Variants in ZNF383 observed in about 807,000 individuals in gnomAD.
The protein encoded by ZNF383 is zinc finger protein 383.
In ZNF383, 32 loss-of-function variants were observed where a neutral mutation model predicts 44.2. That is an observed-to-expected ratio of 0.72 (90% CI 0.55 to 0.97). The LOEUF (loss-of-function observed/expected upper bound fraction) is 0.97. Among genes scored for constraint, ZNF383 ranks in the 50% least tolerant of loss-of-function variants. ZNF383 has a pLI of 0.00. For missense variants in ZNF383, 487 were observed against 562.5 expected, an observed-to-expected ratio of 0.87 and a Z score of 1.36; for synonymous variants, 155 against 186.2, an observed-to-expected ratio of 0.83 and a Z score of 1.36.
In ZNF383 at chr19:37,248,229, G is replaced by A. The variant is rs182125198; in HGVS notation, c.*4565G>A. On this transcript the variant is annotated 3_prime_UTR_variant, in exon 6 of 6. Coordinates refer to ENST00000684119, the MANE Select transcript of ZNF383 (RefSeq NM_001387601.1). ...GACACCAAGGTAGAGATTTTTATAGGTGAAATCTATGAAATGTCTTAGGAA... is the reference window on the plus strand; with the variant it reads ...GACACCAAGGTAGAGATTTTTATAGATGAAATCTATGAAATGTCTTAGGAA... 6.6e-6 allele frequency: 1 copy of A among 152,214 alleles called. No homozygotes were observed. Among genetic ancestry groups the A allele is most frequent in the East Asian group, 1.9e-4 (1 of 5,186 alleles). The allele number at this position is 152,214 out of a possible 1,614,324, so 9.4% of individuals were successfully genotyped here. A position where few individuals can be genotyped will look rare whatever the true frequency, so the allele number is the denominator to read the frequency against.
Position 37,245,482 on chromosome 19 carries a change from T to G in ZNF383, c.*1818T>G, listed in dbSNP as rs851528. 0.46 allele frequency: 54,255 copies of G among 118,754 alleles called. 10,298 individuals are homozygous for G. The highest frequency in any genetic ancestry group is 0.53 in the East Asian group (2,158 of 4,094). The allele number at this position is 118,754 out of a possible 1,614,324, so 7.4% of individuals were successfully genotyped here. On this transcript the variant is annotated 3_prime_UTR_variant, in exon 6 of 6. Transcript: ENST00000684119. ...ATATTAATTTTTTGTTTGTTTGTTTTTTTTTTTTTTTGAGATGGAGTTCAC... is the reference window on the plus strand; with the variant it reads ...ATATTAATTTTTTGTTTGTTTGTTTGTTTTTTTTTTTGAGATGGAGTTCAC...
chr19:37,220,252 G>A (rs1327978378), intron 1 of ZNF383, among the ~76,000 whole-genome samples: 2 of 151,558 alleles, frequency 1.3e-5, no homozygotes, highest in Non-Finnish European at 2.9e-5. Context: ...TTCTTGAGAC[G>A]GAGTCTCGCT....
intron 5 of ZNF383, among the ~76,000 whole-genome samples, chr19:37,237,329 T>G (rs1035404666): frequency 1.3e-5 from 2 of 152,070 alleles, no homozygotes; most frequent in Non-Finnish European, 2.9e-5. Flanking sequence ...GGTGGAGCCT[T>G]GGAAGTGACT....
intron 3 of ZNF383, among the ~76,000 whole-genome samples, chr19:37,234,226 G>A (rs1973654518): frequency 6.6e-6 from 1 of 152,040 alleles, no homozygotes; most frequent in African/African-American, 2.4e-5. Context: ...AAATACAAAT[G>A]AAACATCTAA....
chr19:37,228,565 G>A (rs925905882), intron 2 of ZNF383, among the ~76,000 whole-genome samples: 2 of 151,966 alleles, frequency 1.3e-5, no homozygotes, highest in Non-Finnish European at 2.9e-5. Flanking sequence ...GCTCTCATTT[G>A]GAACATTCAG....
At chr19:37,230,986 G>T (rs1973459093) in intron 3 of ZNF383, among the ~76,000 whole-genome samples, 1 of 152,194 alleles carries the variant, frequency 6.6e-6, no homozygotes, top group African/African-American at 2.4e-5. Flanking sequence ...CTGCAACTCT[G>T]TAAGAACATC....
chr19:37,238,166 A>G (rs899461903), intron 5 of ZNF383, among the ~76,000 whole-genome samples: 3 of 151,820 alleles, frequency 2.0e-5, no homozygotes, highest in African/African-American at 7.3e-5. Flanking sequence ...TCTGGCCCCC[A>G]CCTCTTAATA....
In ZNF383 at chr19:37,244,532, A is replaced by T. The variant is rs908448771; in HGVS notation, c.*868A>T. The stretch of plus-strand genomic sequence containing the variant: ...AGTTGGGATTACAGGCATGTGCCAC[A>T]ACACCCGGCTAATTTTTTGTATTTT... On this transcript the variant is annotated 3_prime_UTR_variant, in exon 6 of 6. Coordinates refer to ENST00000684119, the MANE Select transcript of ZNF383 (RefSeq NM_001387601.1). 1 of 151,936 alleles carries T rather than the reference A, an allele frequency of 6.6e-6. No individual in the cohort carries two copies. The allele number at this position is 151,936 out of a possible 1,614,324, so 9.4% of individuals were successfully genotyped here.
At chr19:37,229,458 CTTT>C (rs569416608) in intron 2 of ZNF383, among the ~76,000 whole-genome samples, 3 of 123,958 alleles carry the variant, frequency 2.4e-5, no homozygotes, top group Non-Finnish European at 3.4e-5. Context: ...CTGCACCCAG[CTTT>C]TTTTTTTTTT....
intron 3 of ZNF383, among the ~76,000 whole-genome samples, chr19:37,234,577 A>G (rs1291991423): frequency 6.6e-6 from 1 of 151,812 alleles, no homozygotes; most frequent in Non-Finnish European, 1.5e-5. Context: ...TTTTTAGTAG[A>G]GACAGGGTTT....
intron 5 of ZNF383, 53 bp from the exon 6 acceptor site, chr19:37,242,416 T>G: frequency 7.9e-7 from 1 of 1,265,616 alleles, no homozygotes; most frequent in Non-Finnish European, 1.1e-6. Flanking sequence ...TTATAAAAGT[T>G]TAATTTTTCA....
chr19:37,229,630 GTGTATATATATATATATGTATATATA>G (rs1973361108), intron 2 of ZNF383, among the ~76,000 whole-genome samples: 2 of 143,602 alleles, frequency 1.4e-5, no homozygotes, highest in African/African-American at 5.3e-5. Context: ...GTGTGTGTGT[GTGTATATATATATATATGTATATATA>G]TGTGTGTATA....
In ZNF383 at chr19:37,221,781, T is replaced by TAAA. The variant is rs71177434; in HGVS notation, c.-167-3023_-167-3021dup. ...GCTACGGTGAAACCCCGTCTCTACT[T>TAAA]AAAAAAAAAAAAAAAATACAAAAAA... On this transcript the variant is annotated intron_variant, in intron 1 of 5. Transcript: ENST00000684119. 9.0e-4 allele frequency among the ~76,000 whole-genome samples: 124 copies of TAAA among 137,198 alleles called. 1 individual carries two copies. Among genetic ancestry groups the TAAA allele is most frequent in the South Asian group, 8.0e-3 (34 of 4,274 alleles). 90.0% of individuals were successfully genotyped at this position (137,198 alleles called of 152,430 possible). A position where few individuals can be genotyped will look rare whatever the true frequency, so the allele number is the denominator to read the frequency against.
intron 5 of ZNF383, among the ~76,000 whole-genome samples, chr19:37,237,828 A>G (rs1163121166): frequency 1.3e-5 from 2 of 150,900 alleles, no homozygotes; most frequent in East Asian, 3.9e-4. Flanking sequence ...TTGAAGCCCG[A>G]TCATCTCTTA....
At chr19:37,232,469 C>CAATA in intron 3 of ZNF383, among the ~76,000 whole-genome samples, 1 of 151,960 alleles carries the variant, frequency 6.6e-6, no homozygotes, top group Non-Finnish European at 1.5e-5. Flanking sequence ...CTTGGATACT[C>CAATA]AATAAATAAA....
rs1032219555 is a variant in ZNF383 at position 37,245,580 on chromosome 19, T to C, written c.*1916T>C. The C allele has an allele frequency of 8.6e-5, 13 of 150,314 alleles. No homozygotes were observed. Among genetic ancestry groups the C allele is most frequent in the Non-Finnish European group, 1.9e-4 (13 of 67,562 alleles). 9.3% of individuals were successfully genotyped at this position (150,314 alleles called of 1,614,324 possible). A position where few individuals can be genotyped will look rare whatever the true frequency, so the allele number is the denominator to read the frequency against. Reference sequence around the variant, plus strand: ...ACTGCTGCCTCCCGGGTTCAAGCGATTCTCCTGCCTCAGCCTTCCTAGTAT... The same window carrying C: ...ACTGCTGCCTCCCGGGTTCAAGCGACTCTCCTGCCTCAGCCTTCCTAGTAT... On this transcript the variant is annotated 3_prime_UTR_variant, in exon 6 of 6. Coordinates refer to ENST00000684119, the MANE Select transcript of ZNF383 (RefSeq NM_001387601.1).
At chr19:37,240,588 T>C (rs1974035656) in intron 5 of ZNF383, among the ~76,000 whole-genome samples, 2 of 152,214 alleles carry the variant, frequency 1.3e-5, no homozygotes, top group Admixed American at 1.3e-4. Flanking sequence ...CTTTAGCTCC[T>C]TCTCTCTCAT....
intron 3 of ZNF383, among the ~76,000 whole-genome samples, chr19:37,233,979 C>G (rs746021088): frequency 6.6e-6 from 1 of 152,052 alleles, no homozygotes; most frequent in Non-Finnish European, 1.5e-5. Context: ...ATTCTCCTGC[C>G]TCAGCCTCCC....
intron 3 of ZNF383, among the ~76,000 whole-genome samples, chr19:37,232,899 A>G (rs1375615072): frequency 6.6e-6 from 1 of 152,160 alleles, no homozygotes; most frequent in African/African-American, 2.4e-5. Flanking sequence ...TTGATGTGCA[A>G]CCAATCCTAG....
Sources: gnomAD v4.1 joint callset for allele counts (sites outside exome capture counted in the v4.1 genomes callset) on GRCh38, gnomAD v4.1.1 for gene constraint, MANE v1.5 for transcripts, NCBI Gene and HGNC (gene_info 2026-07-23, HGNC 2026-07-21) for gene names.